The following DSC1 variants were observed in gnomAD, a reference collection of about 807,000 sequenced individuals.
DSC1 encodes desmocollin-1.
Under a neutral mutation model 98.8 loss-of-function variants are expected in DSC1, and 79 were observed. That is an observed-to-expected ratio of 0.80 (90% CI 0.67 to 0.96). DSC1 has a LOEUF of 0.96. DSC1 is among the 50% of genes least tolerant of loss of function. The probability of loss-of-function intolerance (pLI) is 0.00; values close to 1 mark genes in which losing one functional copy is unlikely to be tolerated. For missense variants in DSC1, 1,115 were observed against 1,075.9 expected (o/e 1.04, Z -0.51); for synonymous variants, 405 against 372.1 (o/e 1.09, Z -1.02).
In DSC1 at chr18:31,145,688, G is replaced by A; in HGVS notation, c.862C>T (p.Pro288Ser). Residue 288 changes from proline to serine, a missense_variant, in exon 7 of 16, where the codon CCA (proline) becomes TCA (serine). Pro to Ser is a moderately conservative substitution (Grantham distance 74). Coordinates refer to ENST00000257198, the MANE Select transcript of DSC1 (RefSeq NM_024421.2). ...RLKYKILQQI[P>S]DHPKHFSIHP... ...ATGGAGAAATGCTTTGGATGATCTGGGATTTGTTGTAAGATTTTATATTTC... is the reference window on the plus strand; with the variant it reads ...ATGGAGAAATGCTTTGGATGATCTGAGATTTGTTGTAAGATTTTATATTTC... 6.2e-7 allele frequency: 1 copy of A among 1,614,152 alleles called. No homozygotes were observed. The highest frequency in any genetic ancestry group is 8.5e-7 in the Non-Finnish European group (1 of 1,180,028).
Position 31,154,901 on chromosome 18 carries a change from G to A in DSC1, c.500C>T (p.Thr167Ile), listed in dbSNP as rs745851189. ...QIQSDAAQNY[T>I]IFYSISGPGV... ...TGGCCCACTTATGGAATAAAAGATG[G>A]TGTAATTCTGTGCAGCATCAGATTG... Residue 167 changes from threonine (T) to isoleucine (I), a missense_variant, in exon 5 of 16, where the codon ACC becomes ATC. By Grantham distance (89) the Thr-to-Ile change is moderately conservative. Transcript: ENST00000257198. 6.2e-7 allele frequency: 1 copy of A among 1,613,890 alleles called. No homozygotes were observed. The highest frequency in any genetic ancestry group is 8.5e-7 in the Non-Finnish European group (1 of 1,179,952).
In DSC1 at chr18:31,131,653, C is replaced by G. The variant is rs779266104; in HGVS notation, c.2428G>C (p.Asp810His). The G allele has an allele frequency of 6.2e-7, 1 of 1,614,134 alleles. No individual in the cohort carries two copies. Among genetic ancestry groups the G allele is most frequent in the South Asian group, 1.1e-5 (1 of 91,082 alleles). The stretch of plus-strand genomic sequence containing the variant: ...TCCGTGTACGCATATCTGCCAGTAT[C>G]TCCCTGCCCCACTCCCTTGACGGAC... ...LESVKGVGQG[D>H]TGRYAYTDWQ... The change falls in exon 15 of 16, where the codon GAT becomes CAT. Residue 810 changes from aspartate (D) to histidine (H), a missense_variant. Physicochemically the swap from Asp to His is moderately conservative, Grantham distance 81. Coordinates refer to ENST00000257198, the MANE Select transcript of DSC1 (RefSeq NM_024421.2).
At chr18:31,142,252 C>A (rs529575943) in intron 8 of DSC1, 68 bp from the exon 9 acceptor site, 25 of 1,493,356 alleles carry the variant, frequency 1.7e-5, no homozygotes, top group Non-Finnish European at 2.2e-5. Context: ...TTCTAAAACA[C>A]GTATTTAAAG....
At chr18:31,160,371 T>C (rs538838227) in intron 1 of DSC1, among the ~76,000 whole-genome samples, 1 of 152,340 alleles carries the variant, frequency 6.6e-6, no homozygotes, top group South Asian at 2.1e-4. Context: ...AGCTAGGTTT[T>C]CCAGAAACAT....
chr18:31,132,785 T>G, intron 13 of DSC1, 96 bp from the exon 14 acceptor site: 1 of 1,177,948 alleles, frequency 8.5e-7, no homozygotes, highest in Non-Finnish European at 1.2e-6. Flanking sequence ...AAAAAATTCA[T>G]TCCACAAATT....
At position 31,140,096 on chromosome 18, in the gene DSC1, T is replaced by C. The variant is rs1988700180; in HGVS notation, c.1466A>G (p.Glu489Gly). ...QSQDGFPAGQ[E>G]LLGYKALDPE... ...GTCCAGTGCTTTGTATCCAAGGAGTTCTTGGCCAGCTGGGAAGCCATCTTG... is the reference window on the plus strand; with the variant it reads ...GTCCAGTGCTTTGTATCCAAGGAGTCCTTGGCCAGCTGGGAAGCCATCTTG... Residue 489 changes from glutamate (E) to glycine (G), a missense_variant, in exon 10 of 16, where the codon GAA becomes GGA. By Grantham distance (98) the Glu-to-Gly change is moderately conservative. Transcript: ENST00000257198. 1 of 1,614,056 alleles carries C rather than the reference T, an allele frequency of 6.2e-7. No homozygotes were observed. Among genetic ancestry groups the C allele is most frequent in the Non-Finnish European group, 8.5e-7 (1 of 1,179,938 alleles).
chr18:31,156,233 T>A (rs751486559), intron 3 of DSC1, 71 bp from the exon 4 acceptor site: 3 of 1,558,906 alleles, frequency 1.9e-6, no homozygotes, highest in Non-Finnish European at 2.6e-6. Flanking sequence ...ATTTTACACA[T>A]ACATCAACAA....
chr18:31,156,029 T>C lies in DSC1; in HGVS notation c.471+14A>G. 3 of 1,606,822 alleles carry C rather than the reference T, an allele frequency of 1.9e-6. No individual in the cohort carries two copies. Among genetic ancestry groups the C allele is most frequent in the South Asian group, 2.2e-5 (2 of 89,212 alleles). On this transcript the variant is annotated intron_variant, in intron 4 of 15. Transcript: ENST00000257198. ...AAATTTGGACACATATAAAATCAAA[T>C]AAGTGAAATGCACCTGCTGAACGTG...
At chr18:31,150,043 TCAC>T (rs113864964) in intron 5 of DSC1, among the ~76,000 whole-genome samples, 32 of 93,364 alleles carry the variant, frequency 3.4e-4, no homozygotes, top group South Asian at 2.0e-3. Context: ...ACCATCATCA[TCAC>T]CACCACCACC....
chr18:31,158,152 A>G (rs1328800300), intron 2 of DSC1, among the ~76,000 whole-genome samples: 1 of 152,066 alleles, frequency 6.6e-6, no homozygotes, highest in Non-Finnish European at 1.5e-5. Flanking sequence ...CTGTAATTCC[A>G]GCGACTCAGG....
At chr18:31,140,325 A>G in intron 9 of DSC1, 24 bp from the exon 10 acceptor site, 1 of 1,606,692 alleles carries the variant, frequency 6.2e-7, no homozygotes, top group Non-Finnish European at 8.5e-7. Flanking sequence ...ATACTTTAAT[A>G]AGTCAATATA....
rs756410860 is a variant in DSC1, at chr18:31,130,488, G to A, written c.*26C>T. On this transcript the variant is annotated 3_prime_UTR_variant, in exon 16 of 16. Coordinates refer to ENST00000257198, the MANE Select transcript of DSC1 (RefSeq NM_024421.2). The stretch of plus-strand genomic sequence containing the variant: ...AATAAATTCCTACTTATGCATCTGT[G>A]GATATTACACTATTAAAAGGCACAT... 1 of 1,611,258 alleles carries A rather than the reference G, an allele frequency of 6.2e-7. No individual in the cohort carries two copies.
At chr18:31,135,343 G>T (rs1468774843) in intron 11 of DSC1, among the ~76,000 whole-genome samples, 3 of 152,006 alleles carry the variant, frequency 2.0e-5, no homozygotes, top group Non-Finnish European at 4.4e-5. Flanking sequence ...CATGAAACTC[G>T]TGACTTCCAC....
intron 1 of DSC1, among the ~76,000 whole-genome samples, chr18:31,161,665 G>T (rs1989211896): frequency 6.6e-6 from 1 of 151,992 alleles, no homozygotes; most frequent in Non-Finnish European, 1.5e-5. Flanking sequence ...AAGAAATGTG[G>T]GTAGAATCCT....
At chr18:31,149,495 G>C (rs59043085) in intron 5 of DSC1, among the ~76,000 whole-genome samples, 33,750 of 152,104 alleles carry the variant, frequency 0.22, 4,287 homozygotes, top group East Asian at 0.56. Context: ...ATTTTTGTGT[G>C]TGTCATGCAT....
At chr18:31,160,424 C>T (rs1989187593) in intron 1 of DSC1, among the ~76,000 whole-genome samples, 1 of 152,086 alleles carries the variant, frequency 6.6e-6, no homozygotes, top group Admixed American at 6.5e-5. Flanking sequence ...TCTCTGAATT[C>T]TAGAGTTACG....
intron 2 of DSC1, among the ~76,000 whole-genome samples, chr18:31,158,773 G>A (rs1989149293): frequency 6.6e-6 from 1 of 152,070 alleles, no homozygotes; most frequent in African/African-American, 2.4e-5. Context: ...TAGATTTTGA[G>A]ACATCCATTT....
chr18:31,151,793 A>G (rs1483153671), intron 5 of DSC1, among the ~76,000 whole-genome samples: 1 of 152,194 alleles, frequency 6.6e-6, no homozygotes. Flanking sequence ...ACCAAAGCTG[A>G]GTGGGTACAG....
intron 4 of DSC1, 98 bp downstream of exon 4, chr18:31,155,945 G>T (rs117153803): frequency 0.026 from 34,916 of 1,323,094 alleles, 640 homozygotes; most frequent in Non-Finnish European, 0.027. Flanking sequence ...TGTACCATTA[G>T]TTTAAACCTC....
Sources: allele counts gnomAD v4.1 joint callset (sites outside exome capture counted in the v4.1 genomes callset), GRCh38; gene constraint gnomAD v4.1.1; transcripts MANE v1.5; gene names NCBI Gene and HGNC (gene_info 2026-07-23, HGNC 2026-07-21).